Variants in SDC2 observed in about 807,000 individuals in gnomAD.
SDC2 encodes syndecan 2.
A neutral mutation model predicts 22.2 loss-of-function variants in SDC2; 13 were observed. The ratio of observed to expected loss-of-function variants is 0.59; its 90% CI spans 0.38 to 0.93. SDC2 has a LOEUF of 0.93. Among genes scored for constraint, SDC2 ranks in the 40% least tolerant of loss-of-function variants. The probability of loss-of-function intolerance (pLI) is 0.00; values close to 1 mark genes in which losing one functional copy is unlikely to be tolerated. For synonymous variants in SDC2, 94 were observed against 92.8 expected (o/e 1.01, Z -0.07); for missense variants, 235 against 246.8 (o/e 0.95, Z 0.32).
chr8:96,504,231 GA>G (rs1234357660), intron 1 of SDC2, among the ~76,000 whole-genome samples: 4 of 152,188 alleles, frequency 2.6e-5, no homozygotes, highest in Non-Finnish European at 4.4e-5. Flanking sequence ...ACATGTTTAG[GA>G]ACCAAAAGGC....
intron 1 of SDC2, among the ~76,000 whole-genome samples, chr8:96,511,226 G>C (rs546386747): frequency 2.0e-5 from 3 of 152,290 alleles, no homozygotes; most frequent in Admixed American, 6.5e-5. Context: ...GTCCCTGGTT[G>C]TGGGGCACGG....
At chr8:96,542,129 C>A (rs1160681497) in intron 1 of SDC2, among the ~76,000 whole-genome samples, 1 of 152,140 alleles carries the variant, frequency 6.6e-6, no homozygotes. Context: ...GCTTCCCCTC[C>A]CAATATGTAG....
At chr8:96,555,980 C>T (rs552030018) in intron 1 of SDC2, among the ~76,000 whole-genome samples, 16 of 152,056 alleles carry the variant, frequency 1.1e-4, no homozygotes, top group Admixed American at 2.0e-4. Context: ...CACCTTTCAA[C>T]TTCGTAAGCT....
At chr8:96,567,424 G>T (rs575706401) in intron 1 of SDC2, among the ~76,000 whole-genome samples, 1 of 152,162 alleles carries the variant, frequency 6.6e-6, no homozygotes. Context: ...CGTGTGTGAC[G>T]AAGTCTAGGA....
chr8:96,503,942 A>C (rs1586267800), intron 1 of SDC2, among the ~76,000 whole-genome samples: 1 of 152,254 alleles, frequency 6.6e-6, no homozygotes, highest in South Asian at 2.1e-4. Context: ...TAGATGTCAA[A>C]ATTTTAAATA....
In SDC2 at chr8:96,578,582, A is replaced by C. The variant is rs565058419; in HGVS notation, c.61-14898A>C. The stretch of plus-strand genomic sequence containing the variant: ...TAGCTCTTTTGTGCCACAATTTTAC[A>C]ATGGAAGAGATGAAGCTCAGAGGTC... On this transcript the variant is annotated intron_variant, in intron 1 of 4. Transcript: ENST00000302190. 2.6e-4 allele frequency among the ~76,000 whole-genome samples: 39 copies of C among 152,270 alleles called. No individual in the cohort carries two copies. The South Asian group carries it at 7.9e-3, about 31-fold the overall frequency.
intron 1 of SDC2, among the ~76,000 whole-genome samples, chr8:96,498,194 C>T (rs1289420945): frequency 6.6e-6 from 1 of 152,214 alleles, no homozygotes; most frequent in Non-Finnish European, 1.5e-5. Context: ...TTCATACCTA[C>T]TAGGTGCTTG....
At chr8:96,502,259 C>T (rs980867461) in intron 1 of SDC2, among the ~76,000 whole-genome samples, 2 of 152,138 alleles carry the variant, frequency 1.3e-5, no homozygotes, top group Non-Finnish European at 2.9e-5. Flanking sequence ...GTGAGACTTA[C>T]TACCACAAGA....
At chr8:96,593,371 C>T in intron 1 of SDC2, 109 bp from the exon 2 acceptor site, 1 of 683,228 alleles carries the variant, frequency 1.5e-6, no homozygotes, top group Non-Finnish European at 2.6e-6. Flanking sequence ...ATTCAGACTA[C>T]TGTGGGAGTG....
chr8:96,512,151 T>G (rs940314298), intron 1 of SDC2, among the ~76,000 whole-genome samples: 4 of 152,200 alleles, frequency 2.6e-5, no homozygotes, highest in South Asian at 2.1e-4. Flanking sequence ...TATCCCACTA[T>G]TTGCAGCATA....
intron 1 of SDC2, among the ~76,000 whole-genome samples, chr8:96,541,442 G>A (rs1433621334): frequency 6.6e-6 from 1 of 150,688 alleles, no homozygotes; most frequent in African/African-American, 2.5e-5. Flanking sequence ...GGGAGGCGGA[G>A]GTTGCAGTGA....
intron 1 of SDC2, among the ~76,000 whole-genome samples, chr8:96,585,236 T>A (rs1814662194): frequency 6.6e-6 from 1 of 152,244 alleles, no homozygotes; most frequent in Non-Finnish European, 1.5e-5. Flanking sequence ...AATGTGAACA[T>A]TCTCTCCAGG....
At chr8:96,510,167 A>T (rs1362286004) in intron 1 of SDC2, among the ~76,000 whole-genome samples, 1 of 152,188 alleles carries the variant, frequency 6.6e-6, no homozygotes, top group East Asian at 1.9e-4. Context: ...GAACAGAAAA[A>T]TTGCATGTTT....
intron 1 of SDC2, among the ~76,000 whole-genome samples, chr8:96,496,780 A>G (rs1586263742): frequency 6.6e-6 from 1 of 152,208 alleles, no homozygotes; most frequent in Non-Finnish European, 1.5e-5. Context: ...GGGGGTAAAA[A>G]AGAGGTTCTC....
At chr8:96,591,724 G>A (rs999603258) in intron 1 of SDC2, among the ~76,000 whole-genome samples, 12 of 151,996 alleles carry the variant, frequency 7.9e-5, no homozygotes, top group Non-Finnish European at 1.6e-4. Context: ...AAGAAACCAG[G>A]AGGTCCTCCA....
At chr8:96,503,632 T>C (rs1207929553) in intron 1 of SDC2, among the ~76,000 whole-genome samples, 2 of 152,336 alleles carry the variant, frequency 1.3e-5, no homozygotes, top group East Asian at 3.9e-4. Context: ...ATGTTTACTG[T>C]AGTTTTATAA....
At chr8:96,513,486 A>T (rs1813358313) in intron 1 of SDC2, among the ~76,000 whole-genome samples, 1 of 152,240 alleles carries the variant, frequency 6.6e-6, no homozygotes, top group South Asian at 2.1e-4. Flanking sequence ...ATGCAAACAG[A>T]TTTAATACTA....
chr8:96,576,485 C>T lies in SDC2; in HGVS notation c.61-16995C>T, dbSNP rs2919678. ...CCCAGGCTGGAGTGCAGTGGCGGGA[C>T]CTCGGCTCACTGCAAGCTCCGCCTC... On this transcript the variant is annotated intron_variant, in intron 1 of 4. Transcript: ENST00000302190. Among the ~76,000 whole-genome samples, 199 of 75,582 alleles carry T rather than the reference C, an allele frequency of 2.6e-3. 1 individual carries two copies. Among genetic ancestry groups the T allele is most frequent in the South Asian group, 5.1e-3 (7 of 1,360 alleles). The allele number at this position is 75,582 out of a possible 152,430, so 49.6% of individuals were successfully genotyped here. A position where few individuals can be genotyped will look rare whatever the true frequency, so the allele number is the denominator to read the frequency against.
chr8:96,540,699 A>G (rs980351737), intron 1 of SDC2, among the ~76,000 whole-genome samples: 2 of 152,038 alleles, frequency 1.3e-5, no homozygotes, highest in African/African-American at 2.4e-5. Flanking sequence ...AGATTTAGCA[A>G]TGTTTTTCTC....
Sources: gnomAD v4.1 joint callset for allele counts (sites outside exome capture counted in the v4.1 genomes callset) on GRCh38, gnomAD v4.1.1 for gene constraint, MANE v1.5 for transcripts, NCBI Gene and HGNC (gene_info 2026-07-23, HGNC 2026-07-21) for gene names.